STT3B: variants seen among roughly 807,000 people sequenced by gnomAD.
STT3B encodes STT3 oligosaccharyltransferase complex catalytic subunit B.
A neutral mutation model predicts 96.8 loss-of-function variants in STT3B; 29 were observed. That is an observed-to-expected ratio of 0.30 (90% confidence interval 0.22 to 0.41). The LOEUF (loss-of-function observed/expected upper bound fraction) is 0.41. Among genes scored for constraint, STT3B ranks in the 10% least tolerant of loss-of-function variants. STT3B has a pLI of 1.00. For missense variants in STT3B, 640 were observed against 1,022.3 expected (o/e 0.63, Z 5.10); for synonymous variants, 367 against 360.0 (o/e 1.02, Z -0.22).
intron 1 of STT3B, among the ~76,000 whole-genome samples, chr3:31,536,406 AT>A (rs1029948150): frequency 6.6e-6 from 1 of 152,200 alleles, no homozygotes; most frequent in Non-Finnish European, 1.5e-5. Context: ...CCACAAACCG[AT>A]TTATTCTGGC....
In STT3B at chr3:31,579,952, A is replaced by C. The variant is rs760251978; in HGVS notation, c.567A>C (p.Thr189=). Residue 189 remains threonine (T), a synonymous_variant, in exon 3 of 16, where the codon ACA becomes ACC. Coordinates refer to ENST00000295770, the MANE Select transcript of STT3B (RefSeq NM_178862.3). ...GLTSISTFLL[T]RELWNQGAGL... is the part of the protein sequence containing the mutation. ...CATCTATATCTACTTTCCTGCTTAC[A>C]AGAGAACTTTGGAACCAAGGAGCAG... is the stretch of plus-strand genomic sequence containing the variant. 5 of 1,613,912 alleles carry C rather than the reference A, an allele frequency of 3.1e-6. No homozygotes were observed. Among genetic ancestry groups the C allele is most frequent in the African/African-American group, 2.7e-5 (2 of 75,020 alleles).
chr3:31,591,217 GA>G (rs1698655709), intron 3 of STT3B, among the ~76,000 whole-genome samples: 1 of 151,984 alleles, frequency 6.6e-6, no homozygotes, highest in African/African-American at 2.4e-5. Flanking sequence ...TTATTATAGT[GA>G]AGTAGTTCTC....
At chr3:31,563,688 T>C (rs1476776197) in intron 1 of STT3B, among the ~76,000 whole-genome samples, 1 of 152,192 alleles carries the variant, frequency 6.6e-6, no homozygotes, top group African/African-American at 2.4e-5. Flanking sequence ...AGTTGATATG[T>C]TGAAGGAACA....
chr3:31,577,551 C>T (rs866088674), intron 2 of STT3B, among the ~76,000 whole-genome samples: 9 of 152,122 alleles, frequency 5.9e-5, no homozygotes, highest in Middle Eastern at 6.8e-3. Context: ...TATGTAATTT[C>T]AATCCTTTAA....
intron 4 of STT3B, among the ~76,000 whole-genome samples, chr3:31,598,244 A>G (rs896768534): frequency 6.6e-6 from 1 of 152,222 alleles, no homozygotes; most frequent in Non-Finnish European, 1.5e-5. Context: ...GCATGGAACC[A>G]TGTTTAGATG....
At chr3:31,537,682 A>G (rs978898427) in intron 1 of STT3B, among the ~76,000 whole-genome samples, 4 of 152,120 alleles carry the variant, frequency 2.6e-5, no homozygotes, top group African/African-American at 9.7e-5. Flanking sequence ...TACTGCCATG[A>G]GTAGTTTGCA....
intron 1 of STT3B, among the ~76,000 whole-genome samples, chr3:31,553,049 T>C (rs1281324261): frequency 6.3e-5 from 9 of 142,128 alleles, no homozygotes; most frequent in African/African-American, 1.1e-4. Context: ...TTGCAGTGAG[T>C]CGAGATCGCG....
Position 31,635,337 on chromosome 3 carries a change from C to A in STT3B, c.2401-647C>A, listed in dbSNP as rs577260565. On this transcript the variant is annotated intron_variant, in intron 15 of 15. Coordinates refer to ENST00000295770, the MANE Select transcript of STT3B (RefSeq NM_178862.3). ...CCACTGCATTTCCGGTAATTTGTTT[C>A]TAATACTAGGAAACGTCTATTGAAA... Among the ~76,000 whole-genome samples, 3 of 152,182 alleles carry A rather than the reference C, an allele frequency of 2.0e-5. No homozygotes were observed. The East Asian group carries it at 5.8e-4, about 29-fold the overall frequency.
intron 5 of STT3B, among the ~76,000 whole-genome samples, chr3:31,602,886 T>C (rs1286095162): frequency 6.6e-6 from 1 of 152,086 alleles, no homozygotes; most frequent in African/African-American, 2.4e-5. Context: ...TCTGCTTTCT[T>C]AGGGTTTACT....
intron 5 of STT3B, among the ~76,000 whole-genome samples, chr3:31,605,048 C>CA (rs1350255983): frequency 6.6e-6 from 1 of 151,804 alleles, no homozygotes; most frequent in South Asian, 2.1e-4. Flanking sequence ...TAGATGAACA[C>CA]AAAAAAATAC....
intron 3 of STT3B, among the ~76,000 whole-genome samples, chr3:31,587,788 GCA>G (rs1199281462): frequency 2.6e-5 from 4 of 151,968 alleles, no homozygotes; most frequent in African/African-American, 9.7e-5. Context: ...TATAAGAATT[GCA>G]CAGAGTTTTT....
chr3:31,553,864 G>A (rs539237234), intron 1 of STT3B, among the ~76,000 whole-genome samples: 3 of 152,236 alleles, frequency 2.0e-5, no homozygotes, highest in South Asian at 2.1e-4. Flanking sequence ...TTTGCCTGTG[G>A]TTCTTAGAAT....
intron 5 of STT3B, among the ~76,000 whole-genome samples, chr3:31,603,134 A>G (rs1698969296): frequency 1.3e-5 from 2 of 152,128 alleles, no homozygotes; most frequent in African/African-American, 4.8e-5. Context: ...TAAATGTCAG[A>G]CTCATAATTA....
chr3:31,579,666 G>A (rs1045253960), intron 2 of STT3B, 143 bp from the exon 3 acceptor site: 2 of 631,024 alleles, frequency 3.2e-6, no homozygotes, highest in African/African-American at 3.7e-5. Flanking sequence ...TTTTTTTGTA[G>A]TTTATAAAGA....
At chr3:31,552,582 A>T (rs187041744) in intron 1 of STT3B, among the ~76,000 whole-genome samples, 8 of 152,248 alleles carry the variant, frequency 5.3e-5, no homozygotes, top group Admixed American at 3.9e-4. Context: ...TGTTAGCATT[A>T]TGAAAACTAC....
intron 5 of STT3B, among the ~76,000 whole-genome samples, chr3:31,600,680 G>A (rs529969852): frequency 6.6e-6 from 1 of 151,968 alleles, no homozygotes; most frequent in African/African-American, 2.4e-5. Context: ...GTAGAAATTA[G>A]TCTGGGTTTA....
At chr3:31,541,571 A>AT (rs1430217246) in intron 1 of STT3B, among the ~76,000 whole-genome samples, 3 of 150,602 alleles carry the variant, frequency 2.0e-5, no homozygotes, top group Middle Eastern at 3.4e-3. Flanking sequence ...TTCAGCAATA[A>AT]TTTTTTTGTT....
chr3:31,603,836 T>C (rs184782204), intron 5 of STT3B, among the ~76,000 whole-genome samples: 1 of 152,272 alleles, frequency 6.6e-6, no homozygotes, highest in East Asian at 1.9e-4. Context: ...ATTTAATCTT[T>C]TTGAGTATTT....
chr3:31,612,764 G>A (rs540473516), intron 5 of STT3B, among the ~76,000 whole-genome samples: 1 of 152,238 alleles, frequency 6.6e-6, no homozygotes, highest in South Asian at 2.1e-4. Context: ...AAATGTCTAA[G>A]ATGAAACTTC....
Sources: gnomAD v4.1 joint callset for allele counts (sites outside exome capture counted in the v4.1 genomes callset) on GRCh38, gnomAD v4.1.1 for gene constraint, MANE v1.5 for transcripts, NCBI Gene and HGNC (gene_info 2026-07-23, HGNC 2026-07-21) for gene names.